TPTE2: variants seen among roughly 807,000 people sequenced by gnomAD.
TPTE2 encodes the protein phosphatidylinositol 3,4,5-trisphosphate 3-phosphatase TPTE2.
A neutral mutation model predicts 78.6 loss-of-function variants in TPTE2; 53 were observed. The ratio of observed to expected loss-of-function variants is 0.67; its 90% CI spans 0.54 to 0.85. The LOEUF is 0.85. Ranked by LOEUF, TPTE2 falls within the 40% of genes least tolerant of loss-of-function variation. The pLI is 0.00. For synonymous variants in TPTE2, 175 were observed against 206.2 expected, an observed-to-expected ratio of 0.85 and a Z score of 1.30; for missense variants, 461 against 623.0, an observed-to-expected ratio of 0.74 and a Z score of 2.77.
At chr13:19,426,894 G>A (rs1876139495) in intron 17 of TPTE2, among the ~76,000 whole-genome samples, 1 of 151,468 alleles carries the variant, frequency 6.6e-6, no homozygotes, top group Admixed American at 6.6e-5. Flanking sequence ...TAGTAGAGAT[G>A]GGGTTTCACT....
rs771891478 is a variant in TPTE2 at position 19,492,822 on chromosome 13, C to T, written c.119+28G>A. On this transcript the variant is annotated intron_variant, in intron 3 of 19. Transcript: ENST00000400230. ...ACAGCTCTATGCACTCTTATGCATA[C>T]GTGTGTCTTCATGTATTTATAACTC... The T allele has an allele frequency of 2.4e-5, 38 of 1,613,018 alleles. No individual in the cohort carries two copies. The East Asian group carries it at 6.0e-4, about 26-fold the overall frequency.
At chr13:19,480,154 G>A (rs1362655511) in intron 4 of TPTE2, among the ~76,000 whole-genome samples, 1 of 152,076 alleles carries the variant, frequency 6.6e-6, no homozygotes, top group Non-Finnish European at 1.5e-5. Context: ...TTGTATTGAA[G>A]GCAGGTGCTA....
chr13:19,541,888 T>C, the TPTE2 span, among the ~76,000 whole-genome samples: 4 of 152,212 alleles, frequency 2.6e-5, no homozygotes, highest in Admixed American at 2.6e-4. Context: ...TGGAATAATT[T>C]ATATAAGATT....
chr13:19,471,351 TC>T (rs1234333121), intron 6 of TPTE2, among the ~76,000 whole-genome samples: 4 of 152,202 alleles, frequency 2.6e-5, no homozygotes, highest in African/African-American at 9.6e-5. Flanking sequence ...GGTCTTCTCT[TC>T]CTTCTTTCCT....
intron 1 of TPTE2, among the ~76,000 whole-genome samples, chr13:19,497,471 T>C (rs1881428429): frequency 9.2e-6 from 1 of 108,184 alleles, no homozygotes; most frequent in Non-Finnish European, 2.1e-5. Flanking sequence ...GCAGACTGCC[T>C]CCTCAAGTGG....
chr13:19,487,038 T>C (rs915875219), intron 3 of TPTE2, among the ~76,000 whole-genome samples: 1 of 152,092 alleles, frequency 6.6e-6, no homozygotes, highest in South Asian at 2.1e-4. Context: ...AGTCTGGAGG[T>C]GCATCTGCTG....
chr13:19,511,414 A>G (rs1367793595), intron 1 of TPTE2, among the ~76,000 whole-genome samples: 2 of 152,250 alleles, frequency 1.3e-5, no homozygotes, highest in Non-Finnish European at 2.9e-5. Flanking sequence ...ATAAATGTAT[A>G]TACTGTATAT....
At chr13:19,504,730 A>G (rs1044436375), upstream of TPTE2, among the ~76,000 whole-genome samples, 2 of 152,094 alleles carry the variant, frequency 1.3e-5, no homozygotes, top group African/African-American at 2.4e-5. Flanking sequence ...TGCAGGGCCT[A>G]TAGTGAGGAG....
chr13:19,539,630 T>C (rs1042303763), upstream of TPTE2, among the ~76,000 whole-genome samples: 1 of 152,210 alleles, frequency 6.6e-6, no homozygotes, highest in African/African-American at 2.4e-5. Context: ...AATTTCCATA[T>C]ACTAATATTC....
At chr13:19,489,134 C>T (rs867646820) in intron 3 of TPTE2, among the ~76,000 whole-genome samples, 1 of 152,116 alleles carries the variant, frequency 6.6e-6, no homozygotes, top group Non-Finnish European at 1.5e-5. Flanking sequence ...TTAATATGGG[C>T]ATGGTTCGTG....
intron 10 of TPTE2, among the ~76,000 whole-genome samples, chr13:19,460,990 A>G (rs549435078): frequency 2.6e-4 from 40 of 152,192 alleles, no homozygotes; most frequent in African/African-American, 9.4e-4. Context: ...AACTGCCACA[A>G]TTCTTTATAG....
intron 1 of TPTE2, among the ~76,000 whole-genome samples, chr13:19,495,980 T>G (rs147640349): frequency 0.014 from 2,076 of 152,108 alleles, 39 homozygotes; most frequent in African/African-American, 0.046. Context: ...GCAATTCTCC[T>G]GCCTCAGCCT....
At chr13:19,473,177 T>G (rs1410460372) in intron 6 of TPTE2, among the ~76,000 whole-genome samples, 1 of 152,130 alleles carries the variant, frequency 6.6e-6, no homozygotes, top group Non-Finnish European at 1.5e-5. Flanking sequence ...CAGCACTGGG[T>G]CTTGCCCAAG....
At position 19,432,459 on chromosome 13, in the gene TPTE2, C is replaced by T. The variant is rs1464302121; in HGVS notation, c.1222+14G>A. The T allele has an allele frequency of 2.0e-6, 3 of 1,499,612 alleles. No homozygotes were observed. The highest frequency in any genetic ancestry group is 1.9e-5 in the Admixed American group (1 of 51,900). The allele number at this position is 1,499,612 out of a possible 1,614,324, so 92.9% of individuals were successfully genotyped here. A position where few individuals can be genotyped will look rare whatever the true frequency, so the allele number is the denominator to read the frequency against. On this transcript the variant is annotated intron_variant, in intron 16 of 19. Transcript: ENST00000400230. ...CCTCCTGCCCAATTCTTCAATTACA[C>T]ATAAAGCACTTACCACGAATCGAAT... is the stretch of plus-strand genomic sequence containing the variant.
chr13:19,453,007 T>G (rs9551482), intron 10 of TPTE2, among the ~76,000 whole-genome samples: 1 of 102,872 alleles, frequency 9.7e-6, no homozygotes, highest in African/African-American at 5.7e-5. Flanking sequence ...TTTATTTTAT[T>G]TTATGTTATT....
At chr13:19,520,734 C>T (rs1870097895) in intron 1 of TPTE2, among the ~76,000 whole-genome samples, 2 of 151,840 alleles carry the variant, frequency 1.3e-5, no homozygotes, top group African/African-American at 2.4e-5. Context: ...GAATTTACAC[C>T]TATAAATTTC....
chr13:19,441,485 A>C (rs1397457421), intron 13 of TPTE2, among the ~76,000 whole-genome samples: 1 of 152,218 alleles, frequency 6.6e-6, no homozygotes, highest in Non-Finnish European at 1.5e-5. Flanking sequence ...CAAATAATAA[A>C]AAATACAAGA....
intron 1 of TPTE2, among the ~76,000 whole-genome samples, chr13:19,522,609 CT>C (rs1245952015): frequency 4.6e-4 from 41 of 89,320 alleles, no homozygotes; most frequent in East Asian, 1.5e-3. Flanking sequence ...GTTTTCCTTA[CT>C]TTTTTTTTCT....
At chr13:19,529,933 A>C (rs1287083283) in intron 1 of TPTE2, among the ~76,000 whole-genome samples, 2 of 152,150 alleles carry the variant, frequency 1.3e-5, no homozygotes, top group African/African-American at 4.8e-5. Context: ...AGCCCTACTG[A>C]AGTAGCCCCA....
Sources: allele counts gnomAD v4.1 joint callset (sites outside exome capture counted in the v4.1 genomes callset), GRCh38; gene constraint gnomAD v4.1.1; transcripts MANE v1.5; gene names NCBI Gene and HGNC (gene_info 2026-07-23, HGNC 2026-07-21).